GAS2L3: variants seen among roughly 807,000 people sequenced by gnomAD.
GAS2L3 encodes GAS2-like protein 3.
A neutral mutation model predicts 37.0 loss-of-function variants in GAS2L3; 28 were observed. That is an observed-to-expected ratio of 0.76 (90% confidence interval 0.56 to 1.04). The LOEUF is 1.04. Among genes scored for constraint, GAS2L3 ranks in the 50% least tolerant of loss-of-function variants. The probability of loss-of-function intolerance (pLI) is 0.00; values close to 1 mark genes in which losing one functional copy is unlikely to be tolerated. For synonymous variants in GAS2L3, 290 were observed against 296.6 expected (o/e 0.98, Z 0.23); for missense variants, 793 against 817.6 (o/e 0.97, Z 0.37).
In GAS2L3 at chr12:100,623,779, T is replaced by C. The variant is rs1338479973; in HGVS notation, c.974T>C (p.Met325Thr). The C allele has an allele frequency of 5.0e-6, 8 of 1,614,106 alleles. No homozygotes were observed. The highest frequency in any genetic ancestry group is 2.2e-5 in the East Asian group (1 of 44,872). ...PEMNPLSAVN[M>T]FQKQNSKPSV... ...ATGAATCCTTTGTCAGCAGTTAACATGTTTCAGAAACAAAATTCAAAACCC... is the reference window on the plus strand; with the variant it reads ...ATGAATCCTTTGTCAGCAGTTAACACGTTTCAGAAACAAAATTCAAAACCC... Residue 325 changes from methionine (M) to threonine (T), a missense_variant, in exon 10 of 10, where the codon ATG becomes ACG. Physicochemically the swap from Met to Thr is moderately conservative, Grantham distance 81. Coordinates refer to ENST00000547754, the MANE Select transcript of GAS2L3 (RefSeq NM_174942.3).
intron 3 of GAS2L3, among the ~76,000 whole-genome samples, chr12:100,595,845 G>T (rs902602804): frequency 1.3e-5 from 2 of 151,968 alleles, no homozygotes; most frequent in South Asian, 4.1e-4. Context: ...CTGTAAGCAC[G>T]TCAGAAGTTT....
At chr12:100,591,261 T>C (rs1955843224) in intron 1 of GAS2L3, among the ~76,000 whole-genome samples, 1 of 152,088 alleles carries the variant, frequency 6.6e-6, no homozygotes, top group African/African-American at 2.4e-5. Context: ...AATAAGCGTA[T>C]ACCACATGAA....
chr12:100,586,583 T>G (rs1955784238), intron 1 of GAS2L3, among the ~76,000 whole-genome samples: 2 of 152,216 alleles, frequency 1.3e-5, no homozygotes, highest in African/African-American at 2.4e-5. Context: ...GCAAAGGCGG[T>G]GCTAAGAGGA....
At chr12:100,599,009 A>G (rs1004451894) in intron 3 of GAS2L3, among the ~76,000 whole-genome samples, 16 of 151,876 alleles carry the variant, frequency 1.1e-4, no homozygotes, top group African/African-American at 3.9e-4. Context: ...CCCCCTTTGC[A>G]CCTGTTAGAT....
chr12:100,624,494 A>T lies in GAS2L3; in HGVS notation c.1689A>T (p.Pro563=). Residue 563 remains proline, a synonymous_variant, in exon 10 of 10, where the codon CCA becomes CCT. Transcript: ENST00000547754. ...AATCGGCCTTGAATTTAAATCAGCCAGTTTCTGTGTCCTCAGTTTCTCCTG... is the reference window on the plus strand; with the variant it reads ...AATCGGCCTTGAATTTAAATCAGCCTGTTTCTGTGTCCTCAGTTTCTCCTG... The part of the protein sequence containing the change: ...KLKSALNLNQ[P]VSVSSVSPVK... 1.2e-6 allele frequency: 2 copies of T among 1,614,136 alleles called. No individual in the cohort carries two copies. Among genetic ancestry groups the T allele is most frequent in the Non-Finnish European group, 1.7e-6 (2 of 1,180,022 alleles).
At chr12:100,585,989 G>A (rs998121076) in intron 1 of GAS2L3, among the ~76,000 whole-genome samples, 7 of 151,834 alleles carry the variant, frequency 4.6e-5, no homozygotes, top group African/African-American at 7.3e-5. Flanking sequence ...CCTTTTCTCT[G>A]TTAAACGCAT....
chr12:100,579,143 A>G, intron 1 of GAS2L3: 1 of 686,624 alleles, frequency 1.5e-6, no homozygotes, highest in Non-Finnish European at 2.7e-6. Context: ...ATTTTCTGCC[A>G]TGGCCCATGA....
At chr12:100,600,668 A>G in intron 4 of GAS2L3, 118 bp downstream of exon 4, 1 of 824,534 alleles carries the variant, frequency 1.2e-6, no homozygotes, top group East Asian at 2.5e-5. Flanking sequence ...CAGTGAATGA[A>G]ATATTCAGTG....
At chr12:100,595,021 G>T in intron 3 of GAS2L3, 99 bp downstream of exon 3, 3 of 514,408 alleles carry the variant, frequency 5.8e-6, no homozygotes, top group South Asian at 4.0e-5. Context: ...TTCTTATTGT[G>T]CTAGTTTTTT....
chr12:100,608,941 G>A (rs560926409), intron 5 of GAS2L3, among the ~76,000 whole-genome samples: 1 of 152,164 alleles, frequency 6.6e-6, no homozygotes, highest in Non-Finnish European at 1.5e-5. Context: ...TCTCCCTGTG[G>A]CTACTACCAC....
Position 100,625,631 on chromosome 12 carries a change from T to C in GAS2L3, c.*741T>C, listed in dbSNP as rs1307823284. Reference sequence around the variant, plus strand: ...ATTTTTTATATTATCTATAAAAACGTAGACACCTTATGTTTCACATGTTGT... The same window carrying C: ...ATTTTTTATATTATCTATAAAAACGCAGACACCTTATGTTTCACATGTTGT... On this transcript the variant is annotated 3_prime_UTR_variant, in exon 10 of 10. Coordinates refer to ENST00000547754, the MANE Select transcript of GAS2L3 (RefSeq NM_174942.3). The C allele has an allele frequency of 2.0e-5, 3 of 152,164 alleles. No individual in the cohort carries two copies. Among genetic ancestry groups the C allele is most frequent in the Non-Finnish European group, 2.9e-5 (2 of 68,002 alleles). The allele number at this position is 152,164 out of a possible 1,614,324, so 9.4% of individuals were successfully genotyped here. A position where few individuals can be genotyped will look rare whatever the true frequency, so the allele number is the denominator to read the frequency against.
intron 8 of GAS2L3, among the ~76,000 whole-genome samples, chr12:100,621,676 CTTTTAAGGGA>C (rs1163511980): frequency 1.3e-5 from 2 of 151,940 alleles, no homozygotes; most frequent in East Asian, 3.8e-4. Context: ...GTTTAGTACA[CTTTTAAGGGA>C]CAAGTGAAAA....
chr12:100,623,640 C>T lies in GAS2L3; in HGVS notation c.835C>T (p.Pro279Ser). Reference protein sequence around the residue: ...TLQGFLLKYDPCRILQFATLE... With the variant: ...TLQGFLLKYDSCRILQFATLE... Reference sequence around the variant, plus strand: ...TCAAGGATTTTTGCTTAAATATGACCCCTGTCGAATATTACAGTTTGCCAC... The same window carrying T: ...TCAAGGATTTTTGCTTAAATATGACTCCTGTCGAATATTACAGTTTGCCAC... The change falls in exon 10 of 10, where the codon CCC becomes TCC. Residue 279 changes from proline to serine, a missense_variant. Coordinates refer to ENST00000547754, the MANE Select transcript of GAS2L3 (RefSeq NM_174942.3). The T allele has an allele frequency of 6.2e-7, 1 of 1,613,458 alleles. No homozygotes were observed.
intron 1 of GAS2L3, among the ~76,000 whole-genome samples, chr12:100,590,926 T>C (rs915993495): frequency 6.8e-6 from 1 of 146,880 alleles, no homozygotes; most frequent in African/African-American, 2.5e-5. Flanking sequence ...TTTGGGGACT[T>C]GGGGGGAAGA....
At chr12:100,587,620 C>A (rs747081292) in intron 1 of GAS2L3, among the ~76,000 whole-genome samples, 9 of 152,156 alleles carry the variant, frequency 5.9e-5, no homozygotes, top group Non-Finnish European at 1.3e-4. Flanking sequence ...AAACCCACAT[C>A]CAACGTAATG....
intron 1 of GAS2L3, among the ~76,000 whole-genome samples, chr12:100,577,280 A>C (rs1955648836): frequency 6.6e-6 from 1 of 152,192 alleles, no homozygotes; most frequent in Admixed American, 6.5e-5. Context: ...ATGGATAGTT[A>C]GATATTGTTC....
chr12:100,578,737 T>A (rs1955669369), intron 1 of GAS2L3: 1 of 509,422 alleles, frequency 2.0e-6, no homozygotes, highest in African/African-American at 1.9e-5. Context: ...GCCTAAACCA[T>A]CTCAGCATGG....
intron 1 of GAS2L3, among the ~76,000 whole-genome samples, chr12:100,590,746 C>A (rs1261744675): frequency 6.6e-6 from 1 of 152,114 alleles, no homozygotes; most frequent in East Asian, 1.9e-4. Context: ...GAATATTATG[C>A]AGCCATAAAA....
At chr12:100,596,584 G>C (rs1478561059) in intron 3 of GAS2L3, among the ~76,000 whole-genome samples, 2 of 151,972 alleles carry the variant, frequency 1.3e-5, no homozygotes, top group African/African-American at 4.8e-5. Context: ...AATTATATTA[G>C]ACAGTTACTT....
Sources: allele counts gnomAD v4.1 joint callset (sites outside exome capture counted in the v4.1 genomes callset), GRCh38; gene constraint gnomAD v4.1.1; transcripts MANE v1.5; gene names NCBI Gene and HGNC (gene_info 2026-07-23, HGNC 2026-07-21).